Variants in EIF3A observed in about 807,000 individuals in gnomAD.
The protein encoded by EIF3A is EIF3, p180 subunit.
A neutral mutation model predicts 186.6 loss-of-function variants in EIF3A; 21 were observed. That is an observed-to-expected ratio of 0.11 (90% CI 0.08 to 0.16). The LOEUF is 0.16. EIF3A is among the 10% of genes least tolerant of loss of function. The pLI is 1.00. For missense variants in EIF3A, 1,306 were observed against 1,796.3 expected, an observed-to-expected ratio of 0.73 and a Z score of 4.93; for synonymous variants, 563 against 584.3, an observed-to-expected ratio of 0.96 and a Z score of 0.52.
chr10:119,078,706 T>C (rs938890610), intron 1 of EIF3A, among the ~76,000 whole-genome samples: 5 of 151,952 alleles, frequency 3.3e-5, no homozygotes, highest in South Asian at 2.1e-4. Flanking sequence ...AACTCAAGTT[T>C]CCCCCCCAGT....
intron 7 of EIF3A, among the ~76,000 whole-genome samples, chr10:119,062,562 G>A (rs943656079): frequency 2.0e-5 from 3 of 152,086 alleles, no homozygotes; most frequent in Non-Finnish European, 4.4e-5. Context: ...CACTCTGTGG[G>A]CACAATGAGG....
At chr10:119,064,449 C>A (rs944348112) in intron 7 of EIF3A, among the ~76,000 whole-genome samples, 9 of 152,062 alleles carry the variant, frequency 5.9e-5, no homozygotes, top group African/African-American at 2.2e-4. Flanking sequence ...GATTTAGCAC[C>A]ATCCCCGTAG....
At chr10:119,048,730 GGCGCGATCTCA>G (rs932972135) in intron 17 of EIF3A, among the ~76,000 whole-genome samples, 2 of 151,510 alleles carry the variant, frequency 1.3e-5, no homozygotes, top group African/African-American at 4.9e-5. Flanking sequence ...TGAGTGCAGT[GGCGCGATCTCA>G]GCTCACTGCA....
chr10:119,078,812 T>C (rs1403594974), intron 1 of EIF3A, among the ~76,000 whole-genome samples: 1 of 152,174 alleles, frequency 6.6e-6, no homozygotes, highest in Non-Finnish European at 1.5e-5. Context: ...AAAAAATGTT[T>C]GATGCACATT....
rs1329731990 is a variant in EIF3A, at chr10:119,049,924, C to T, written c.2535G>A (p.Gln845=). ...CTTCTTCTAATTTCTTCACCCGCTCCTGATACTCTCGTAGCTCTTCCTCGC... is the reference window on the plus strand; with the variant it reads ...CTTCTTCTAATTTCTTCACCCGCTCTTGATACTCTCGTAGCTCTTCCTCGC... The part of the protein sequence containing the change: ...AKREEELREY[Q]ERVKKLEEVE... Residue 845 remains glutamine, a synonymous_variant, in exon 17 of 22, where the codon CAG becomes CAA. Transcript: ENST00000369144. 6 of 1,614,094 alleles carry T rather than the reference C, an allele frequency of 3.7e-6. No homozygotes were observed. The highest frequency in any genetic ancestry group is 5.1e-6 in the Non-Finnish European group (6 of 1,180,022).
chr10:119,044,422 C>G (rs969177416), intron 17 of EIF3A, among the ~76,000 whole-genome samples: 1 of 152,188 alleles, frequency 6.6e-6, no homozygotes, highest in Admixed American at 6.5e-5. Flanking sequence ...ACCTAGAAAT[C>G]CCCTTTGAAG....
chr10:119,045,383 T>C (rs1039932352), intron 17 of EIF3A, among the ~76,000 whole-genome samples: 4 of 152,188 alleles, frequency 2.6e-5, no homozygotes, highest in Admixed American at 1.3e-4. Flanking sequence ...CTGGGCTGTC[T>C]CTTAAGGTGG....
At position 119,068,401 on chromosome 10, in the gene EIF3A, G is replaced by A. The variant is rs148862176; in HGVS notation, c.950+1045C>T. Among the ~76,000 whole-genome samples the A allele has an allele frequency of 5.5e-3, 831 of 152,192 alleles. 4 individuals carry two copies. The highest frequency in any genetic ancestry group is 0.019 in the African/African-American group (796 of 41,524). Reference sequence around the variant, plus strand: ...GATAGAAGTATTTACCCTGCCAGGCGTGGTGGCTCACACCTGTAATCCCAG... The same window carrying A: ...GATAGAAGTATTTACCCTGCCAGGCATGGTGGCTCACACCTGTAATCCCAG... On this transcript the variant is annotated intron_variant, in intron 6 of 21. Coordinates refer to ENST00000369144, the MANE Select transcript of EIF3A (RefSeq NM_003750.4).
At chr10:119,064,453 C>T (rs1318484512) in intron 7 of EIF3A, among the ~76,000 whole-genome samples, 1 of 152,072 alleles carries the variant, frequency 6.6e-6, no homozygotes, top group African/African-American at 2.4e-5. Context: ...TAGCACCATC[C>T]CCGTAGGCCC....
chr10:119,037,352 C>G (rs769486363), intron 20 of EIF3A, 43 bp from the exon 21 acceptor site: 2 of 1,547,436 alleles, frequency 1.3e-6, no homozygotes, highest in Admixed American at 3.4e-5. Flanking sequence ...TACTGTTAGA[C>G]CAAATGGATA....
chr10:119,036,550 G>A lies in EIF3A; in HGVS notation c.3920-282C>T, dbSNP rs556938370. On this transcript the variant is annotated intron_variant, in intron 21 of 21. Transcript: ENST00000369144. ...CAGTTAGTATAAACCCGTAAGACAA[G>A]GTGGCAAAAATCTGGCTGAATGAAA... Among the ~76,000 whole-genome samples, 32 of 152,198 alleles carry A rather than the reference G, an allele frequency of 2.1e-4. No individual in the cohort carries two copies. The South Asian group carries it at 3.5e-3, about 17-fold the overall frequency.
intron 1 of EIF3A, among the ~76,000 whole-genome samples, chr10:119,078,288 C>T (rs999122896): frequency 1.3e-4 from 20 of 152,220 alleles, no homozygotes; most frequent in African/African-American, 4.8e-4. Flanking sequence ...TTGCCTGTAA[C>T]TGCTGGTCCA....
chr10:119,041,869 G>T, intron 19 of EIF3A, 125 bp downstream of exon 19: 2 of 1,052,348 alleles, frequency 1.9e-6, no homozygotes, highest in Non-Finnish European at 2.7e-6. Flanking sequence ...CACTGCAAAT[G>T]ATACTGAAGG....
Position 119,065,499 on chromosome 10 carries a change from A to C in EIF3A, c.1022T>G (p.Leu341Arg). 1 of 1,613,334 alleles carries C rather than the reference A, an allele frequency of 6.2e-7. No homozygotes were observed. The highest frequency in any genetic ancestry group is 8.5e-7 in the Non-Finnish European group (1 of 1,179,242). The change falls in exon 7 of 22, where the codon CTT (leucine) becomes CGT (arginine). Residue 341 changes from leucine to arginine, a missense_variant. Transcript: ENST00000369144. ...ITPERTDIAR[L>R]LDMDGIIVEK... ...AACTATAATGCCATCCATATCCAGA[A>C]GTCGAGCAATATCCGTACGCTCAGG...
intron 3 of EIF3A, 136 bp downstream of exon 3, chr10:119,073,305 G>C (rs1844108591): frequency 2.7e-6 from 2 of 730,822 alleles, no homozygotes; most frequent in African/African-American, 1.8e-5. Flanking sequence ...AAATTAACTG[G>C]TTACTATGCA....
chr10:119,039,470 A>G (rs892683650), intron 19 of EIF3A, among the ~76,000 whole-genome samples: 2 of 151,960 alleles, frequency 1.3e-5, no homozygotes, highest in African/African-American at 2.4e-5. Flanking sequence ...CAGGAGTTCA[A>G]GACCAGCCTG....
chr10:119,077,608 G>T (rs1301269426), intron 1 of EIF3A, among the ~76,000 whole-genome samples: 1 of 149,740 alleles, frequency 6.7e-6, no homozygotes, highest in Admixed American at 6.7e-5. Flanking sequence ...ACGCTGGAGT[G>T]CAGTGGCGCA....
In EIF3A at chr10:119,042,054, G is replaced by A. The variant is rs754819756; in HGVS notation, c.3466C>T (p.Arg1156Trp). 7.4e-6 allele frequency: 12 copies of A among 1,613,996 alleles called. No individual in the cohort carries two copies. Among genetic ancestry groups the A allele is most frequent in the African/African-American group, 6.7e-5 (5 of 74,908 alleles). Residue 1156 changes from arginine to tryptophan, a missense_variant, in exon 19 of 22, where the codon CGG becomes TGG. This residue lies in a region of EIF3A where 331 missense variants were observed against 365.8 expected (regional missense o/e 0.90). Transcript: ENST00000369144. The surrounding 1 kb of genome is among the most constrained non-coding windows in gnomAD (Gnocchi z 7.8). ...DRLSRRADDD[R>W]FPRRGDDSRP... is the part of the protein sequence containing the mutation. ...GAGTCATCACCCCGTCTGGGAAACC[G>A]ATCATCATCAGCACGTCTTGAAAGG...
intron 6 of EIF3A, among the ~76,000 whole-genome samples, chr10:119,068,843 G>C (rs1844023922): frequency 6.6e-6 from 1 of 150,938 alleles, no homozygotes; most frequent in African/African-American, 2.4e-5. Context: ...CATGGTGGTG[G>C]GTGCCTGTAA....
Sources: allele counts gnomAD v4.1 joint callset (sites outside exome capture counted in the v4.1 genomes callset), GRCh38; gene constraint gnomAD v4.1.1; regional missense constraint gnomAD v4.1.1; non-coding constraint Gnocchi (gnomAD v3.1); transcripts MANE v1.5; gene names NCBI Gene and HGNC (gene_info 2026-07-23, HGNC 2026-07-21).